The following SUGCT variants were observed in gnomAD, a reference collection of about 807,000 sequenced individuals.
The protein encoded by SUGCT is succinyl-CoA:glutarate CoA-transferase.
A neutral mutation model predicts 55.0 loss-of-function variants in SUGCT; 41 were observed. That is an observed-to-expected ratio of 0.74 (90% confidence interval 0.58 to 0.97). The LOEUF (loss-of-function observed/expected upper bound fraction) is 0.97, where lower values mean the gene tolerates loss of function less well. Ranked by LOEUF, SUGCT falls within the 50% of genes least tolerant of loss-of-function variation. The pLI, the probability that SUGCT is intolerant of heterozygous loss-of-function variation, is 0.00. For missense variants in SUGCT, 568 were observed against 547.8 expected (o/e 1.04, Z -0.37); for synonymous variants, 187 against 200.4 (o/e 0.93, Z 0.56).
At position 40,188,432 on chromosome 7, in the gene SUGCT, T is replaced by TC. The variant is rs60252112; in HGVS notation, c.227-61dup. The TC allele has an allele frequency of 0.13, 93,387 of 700,474 alleles. 4,146 individuals are homozygous for TC. Among genetic ancestry groups the TC allele is most frequent in the Admixed American group, 0.18 (4,460 of 24,308 alleles). 43.4% of individuals were successfully genotyped at this position (700,474 alleles called of 1,614,324 possible). ...CTGGGCAACAGAGCAAGACTCCATCTCCAAAAAAAAAAAAAAAAAAAAACA... is the reference window on the plus strand; with the variant it reads ...CTGGGCAACAGAGCAAGACTCCATCTCCCAAAAAAAAAAAAAAAAAAAAACA... On this transcript the variant is annotated intron_variant, in intron 3 of 13. Coordinates refer to ENST00000335693, the MANE Select transcript of SUGCT (RefSeq NM_001193313.2).
chr7:40,629,577 G>A (rs1799689870), intron 12 of SUGCT, among the ~76,000 whole-genome samples: 2 of 152,140 alleles, frequency 1.3e-5, no homozygotes, highest in South Asian at 4.1e-4. Flanking sequence ...GGCCATTATA[G>A]AGGGAGAATA....
intron 13 of SUGCT, among the ~76,000 whole-genome samples, chr7:40,764,358 T>C (rs934877342): frequency 6.6e-6 from 1 of 152,194 alleles, no homozygotes; most frequent in Admixed American, 6.5e-5. Context: ...GTGTTACTGT[T>C]ACCTCATTCA....
intron 12 of SUGCT, among the ~76,000 whole-genome samples, chr7:40,716,990 GA>G (rs367791790): frequency 4.7e-5 from 7 of 150,146 alleles, no homozygotes; most frequent in South Asian, 2.1e-4. Flanking sequence ...TAGAAAACTA[GA>G]AAAAAAAACC....
chr7:40,314,629 A>G (rs1200027051), intron 8 of SUGCT, among the ~76,000 whole-genome samples: 1 of 138,764 alleles, frequency 7.2e-6, no homozygotes, highest in Non-Finnish European at 1.5e-5. Context: ...CAGTGGCACG[A>G]TCTCAGCTCA....
At chr7:40,954,873 A>G in the SUGCT span, among the ~76,000 whole-genome samples, 1 of 152,202 alleles carries the variant, frequency 6.6e-6, no homozygotes, top group Non-Finnish European at 1.5e-5. Flanking sequence ...AAGTTTTCCC[A>G]ACACCATTTA....
chr7:40,906,324 C>T, the SUGCT span, among the ~76,000 whole-genome samples: 1 of 152,232 alleles, frequency 6.6e-6, no homozygotes, highest in South Asian at 2.1e-4. Flanking sequence ...AGAAAAGCTT[C>T]ATCCAAATCA....
chr7:40,332,619 G>A (rs1274411331), intron 9 of SUGCT, among the ~76,000 whole-genome samples: 1 of 152,098 alleles, frequency 6.6e-6, no homozygotes, highest in Non-Finnish European at 1.5e-5. Flanking sequence ...CTAGTTCAAA[G>A]AAGCTGGGAG....
intron 13 of SUGCT, among the ~76,000 whole-genome samples, chr7:40,776,964 C>G (rs1789483422): frequency 6.6e-6 from 1 of 152,190 alleles, no homozygotes; most frequent in Non-Finnish European, 1.5e-5. Context: ...GTTGGTTTTT[C>G]TCCTCAGGAA....
intron 13 of SUGCT, among the ~76,000 whole-genome samples, chr7:40,837,798 A>G (rs10246441): frequency 0.25 from 38,221 of 151,802 alleles, 5,784 homozygotes; most frequent in East Asian, 0.8. Flanking sequence ...ATTTTTAGTA[A>G]AGGTGGGGTT....
At chr7:40,761,619 C>T (rs1788536705) in intron 13 of SUGCT, among the ~76,000 whole-genome samples, 1 of 152,150 alleles carries the variant, frequency 6.6e-6, no homozygotes, top group Non-Finnish European at 1.5e-5. Context: ...AATGTGTTTG[C>T]CTAAGAGGGA....
chr7:40,988,055 A>G, the SUGCT span, among the ~76,000 whole-genome samples: 1 of 151,892 alleles, frequency 6.6e-6, no homozygotes, highest in Non-Finnish European at 1.5e-5. Flanking sequence ...AAGGTTTCAC[A>G]TGTATGAGAT....
chr7:40,233,093 T>A (rs867632626), intron 6 of SUGCT, among the ~76,000 whole-genome samples: 1 of 152,218 alleles, frequency 6.6e-6, no homozygotes. Context: ...TGCTTTAAAA[T>A]TTTATTTATT....
At chr7:40,960,950 A>G in the SUGCT span, among the ~76,000 whole-genome samples, 1 of 152,242 alleles carries the variant, frequency 6.6e-6, no homozygotes, top group Admixed American at 6.5e-5. Flanking sequence ...GGAAAGTCTG[A>G]AAAGCATTTA....
chr7:40,913,164 C>G, the SUGCT span, among the ~76,000 whole-genome samples: 3 of 152,088 alleles, frequency 2.0e-5, no homozygotes, highest in Non-Finnish European at 2.9e-5. Flanking sequence ...GCGTGTGCCA[C>G]CACGCCCAGC....
chr7:40,291,296 A>C (rs1260692923), intron 8 of SUGCT, among the ~76,000 whole-genome samples: 2 of 151,882 alleles, frequency 1.3e-5, no homozygotes, highest in South Asian at 2.1e-4. Context: ...AAAATGTGGC[A>C]CATATACACC....
At chr7:40,520,824 G>A (rs189358556) in intron 12 of SUGCT, among the ~76,000 whole-genome samples, 73 of 152,226 alleles carry the variant, frequency 4.8e-4, no homozygotes, top group African/African-American at 1.5e-3. Flanking sequence ...TCTGAAGGAC[G>A]TGTTTATTGC....
intron 12 of SUGCT, among the ~76,000 whole-genome samples, chr7:40,650,917 TG>T (rs1383107423): frequency 3.9e-5 from 6 of 152,158 alleles, no homozygotes; most frequent in Admixed American, 3.9e-4. Context: ...CCCCTCCCTG[TG>T]TCCATGTGTT....
intron 12 of SUGCT, among the ~76,000 whole-genome samples, chr7:40,595,952 G>A (rs1797990506): frequency 6.6e-6 from 1 of 152,156 alleles, no homozygotes. Context: ...TATTTAATTG[G>A]AAGGAAAAGC....
At chr7:40,415,060 AAATCTATCTATCTATCT>A (rs1239444340) in intron 9 of SUGCT, among the ~76,000 whole-genome samples, 27 of 83,148 alleles carry the variant, frequency 3.2e-4, no homozygotes, top group East Asian at 1.4e-3. Context: ...AAAAAAAAAA[AAATCTATCTATCTATCT>A]ATCTATCTAT....
Sources: gnomAD v4.1 joint callset for allele counts (sites outside exome capture counted in the v4.1 genomes callset) on GRCh38, gnomAD v4.1.1 for gene constraint, MANE v1.5 for transcripts, NCBI Gene and HGNC (gene_info 2026-07-23, HGNC 2026-07-21) for gene names.